Variants in ATP8A2 observed in about 807,000 individuals in gnomAD.
The protein encoded by ATP8A2 is ATPase phospholipid transporting 8A2.
Under a neutral mutation model 165.6 loss-of-function variants are expected in ATP8A2, and 100 were observed. That is an observed-to-expected ratio of 0.60 (90% CI 0.51 to 0.71). The LOEUF is 0.71. ATP8A2 is among the 30% of genes least tolerant of loss of function. The probability of loss-of-function intolerance (pLI) is 0.00; values close to 1 mark genes in which losing one functional copy is unlikely to be tolerated. For missense variants in ATP8A2, 1,227 were observed against 1,479.5 expected (o/e 0.83, Z 2.80); for synonymous variants, 543 against 548.8 (o/e 0.99, Z 0.15).
intron 1 of ATP8A2, among the ~76,000 whole-genome samples, chr13:25,397,917 A>G (rs9553607): frequency 0.02 from 3,120 of 152,294 alleles, 86 homozygotes; most frequent in East Asian, 0.086. Context: ...GTTCAGCTTC[A>G]CCTGAATTGT....
chr13:25,419,976 A>T (rs1593282244), intron 1 of ATP8A2, among the ~76,000 whole-genome samples: 2 of 152,196 alleles, frequency 1.3e-5, no homozygotes, highest in African/African-American at 4.8e-5. Context: ...GTGGGTGAAT[A>T]GTTCTAGAAA....
intron 24 of ATP8A2, among the ~76,000 whole-genome samples, chr13:25,673,430 A>G (rs556623072): frequency 1.3e-5 from 2 of 152,370 alleles, no homozygotes; most frequent in East Asian, 3.9e-4. Context: ...TGCACAGGAA[A>G]TGGATTCTCC....
At chr13:25,816,153 T>TAAAATGGTGAATTTTATGTTCTG (rs1951013684) in intron 27 of ATP8A2, among the ~76,000 whole-genome samples, 2 of 152,210 alleles carry the variant, frequency 1.3e-5, no homozygotes, top group Non-Finnish European at 2.9e-5. Context: ...TGAAAACAGT[T>TAAAATGGTGAATTTTATGTTCTG]AAAATGGTGA....
At chr13:25,960,420 C>T (rs1955633117) in intron 33 of ATP8A2, among the ~76,000 whole-genome samples, 1 of 152,168 alleles carries the variant, frequency 6.6e-6, no homozygotes, top group South Asian at 2.1e-4. Context: ...GTTAATTGTG[C>T]CTCAGGCCCT....
At chr13:25,711,851 T>A (rs1016121336) in intron 25 of ATP8A2, among the ~76,000 whole-genome samples, 7 of 152,134 alleles carry the variant, frequency 4.6e-5, no homozygotes, top group Non-Finnish European at 8.8e-5. Context: ...GGGGTAGAGA[T>A]GAAGCACTGC....
At chr13:25,900,658 C>T (rs950381777) in intron 33 of ATP8A2, among the ~76,000 whole-genome samples, 2 of 152,258 alleles carry the variant, frequency 1.3e-5, no homozygotes, top group African/African-American at 2.4e-5. Flanking sequence ...TCAAAAACTC[C>T]GTTTTTAAGG....
intron 1 of ATP8A2, among the ~76,000 whole-genome samples, chr13:25,381,899 G>C (rs891252504): frequency 1.4e-4 from 22 of 152,140 alleles, no homozygotes; most frequent in African/African-American, 5.3e-4. Context: ...GAGGAAGTGG[G>C]GATGCCGTCT....
chr13:25,499,450 G>C (rs866851583), intron 2 of ATP8A2, among the ~76,000 whole-genome samples: 67 of 152,304 alleles, frequency 4.4e-4, no homozygotes, highest in African/African-American at 1.4e-3. Flanking sequence ...ATGTTTGGGG[G>C]GTTGAATCTT....
rs188029441 is a variant in ATP8A2 at position 25,602,237 on chromosome 13, A to G, written c.2211+12538A>G. 1.7e-3 allele frequency among the ~76,000 whole-genome samples: 258 copies of G among 152,302 alleles called. 2 individuals are homozygous for G. The highest frequency in any genetic ancestry group is 1.9e-3 in the Non-Finnish European group (131 of 68,030). On this transcript the variant is annotated intron_variant, in intron 24 of 36. Transcript: ENST00000381655. ...CTTGCATTTTAAGGTCAGAGAGACAATTATAAAACATTTTTTCTTAGGGTT... is the reference window on the plus strand; with the variant it reads ...CTTGCATTTTAAGGTCAGAGAGACAGTTATAAAACATTTTTTCTTAGGGTT...
chr13:25,412,636 T>C (rs2034001776), intron 1 of ATP8A2, among the ~76,000 whole-genome samples: 1 of 152,178 alleles, frequency 6.6e-6, no homozygotes, highest in Non-Finnish European at 1.5e-5. Flanking sequence ...GTGGAGAACA[T>C]CTCCCCTTAG....
chr13:25,861,813 G>A (rs1303770269), intron 32 of ATP8A2, among the ~76,000 whole-genome samples: 1 of 152,144 alleles, frequency 6.6e-6, no homozygotes, highest in Non-Finnish European at 1.5e-5. Context: ...CGCAGTAGAT[G>A]CTTAAAGGGG....
At chr13:25,795,881 A>AT (rs1031302821) in intron 27 of ATP8A2, among the ~76,000 whole-genome samples, 8 of 151,814 alleles carry the variant, frequency 5.3e-5, no homozygotes, top group African/African-American at 1.7e-4. Flanking sequence ...TGGTGACAGC[A>AT]TTTTTTTACA....
intron 24 of ATP8A2, among the ~76,000 whole-genome samples, chr13:25,698,200 T>C (rs551640425): frequency 1.1e-4 from 17 of 151,238 alleles, no homozygotes; most frequent in Non-Finnish European, 2.5e-4. Context: ...TAGTCATAAA[T>C]TCACTGTGAA....
At position 26,023,371 on chromosome 13, in the gene ATP8A2, AG is replaced by A. The variant is rs760684991; in HGVS notation, c.*3387del. The A allele has an allele frequency of 2.0e-4, 31 of 152,184 alleles. No individual in the cohort carries two copies. The highest frequency in any genetic ancestry group is 3.8e-4 in the Non-Finnish European group (26 of 68,042). 9.4% of individuals were successfully genotyped at this position (152,184 alleles called of 1,614,324 possible). On this transcript the variant is annotated 3_prime_UTR_variant, in exon 37 of 37. Transcript: ENST00000381655. The stretch of plus-strand genomic sequence containing the variant: ...GTGAACCTGGGCTTTGGGAGAGCTC[AG>A]CTGAGAATTCTGTTGACATTTTCTT...
chr13:25,826,479 A>G (rs1180332963), intron 27 of ATP8A2, among the ~76,000 whole-genome samples: 3 of 152,192 alleles, frequency 2.0e-5, no homozygotes, highest in Admixed American at 6.5e-5. Context: ...TGGATACAGT[A>G]GTGCACAGAG....
intron 24 of ATP8A2, among the ~76,000 whole-genome samples, chr13:25,654,688 C>A (rs2041887858): frequency 6.6e-6 from 1 of 152,120 alleles, no homozygotes; most frequent in African/African-American, 2.4e-5. Context: ...AGTCTGTGCC[C>A]TTGGACTGTA....
intron 29 of ATP8A2, among the ~76,000 whole-genome samples, chr13:25,837,821 CA>C (rs1049912938): frequency 1.6e-4 from 24 of 151,556 alleles, no homozygotes; most frequent in African/African-American, 5.8e-4. Flanking sequence ...ACCAGAGAAT[CA>C]GAAAGGAACC....
chr13:25,982,936 G>T (rs559366134), intron 35 of ATP8A2, among the ~76,000 whole-genome samples: 56 of 152,138 alleles, frequency 3.7e-4, no homozygotes, highest in Non-Finnish European at 5.7e-4. Flanking sequence ...TCCTTTTTAT[G>T]TAATATTCTC....
At chr13:25,575,353 G>A (rs762921931) in intron 19 of ATP8A2, among the ~76,000 whole-genome samples, 1 of 152,154 alleles carries the variant, frequency 6.6e-6, no homozygotes, top group East Asian at 1.9e-4. Flanking sequence ...TTCTTCCCCA[G>A]TACAATTTTA....
Sources: allele counts gnomAD v4.1 joint callset (sites outside exome capture counted in the v4.1 genomes callset), GRCh38; gene constraint gnomAD v4.1.1; transcripts MANE v1.5; gene names NCBI Gene and HGNC (gene_info 2026-07-23, HGNC 2026-07-21).